Variants in FAAH2 observed in about 807,000 individuals in gnomAD.
FAAH2 encodes fatty acid amide hydrolase 2.
In FAAH2, 60 loss-of-function variants were observed where a neutral mutation model predicts 36.9. The ratio of observed to expected loss-of-function variants is 1.63; its 90% CI spans 1.32 to 2.02. The LOEUF (loss-of-function observed/expected upper bound fraction) is 2.02. Among genes scored for constraint, FAAH2 ranks in the 30% most tolerant of loss-of-function variants. The pLI, the probability that FAAH2 is intolerant of heterozygous loss-of-function variation, is 0.00. For missense variants in FAAH2, 689 were observed against 397.5 expected (o/e 1.73, Z -6.23); for synonymous variants, 214 against 143.8 (o/e 1.49, Z -3.49).
intron 1 of FAAH2, among the ~76,000 whole-genome samples, chrX:57,288,164 G>A (rs889619675): frequency 9.1e-6 from 1 of 109,988 alleles, no homozygotes; most frequent in African/African-American, 3.3e-5. Flanking sequence ...TGGACTGTCT[G>A]TTCATGGCTC....
Position 57,470,224 on chromosome X carries a change from G to T in FAAH2, c.1424-18533G>T, listed in dbSNP as rs771859169. On this transcript the variant is annotated intron_variant, in intron 10 of 10. Transcript: ENST00000374900. The stretch of plus-strand genomic sequence containing the variant: ...CAAGAGCGAACACATTCAAAAGCTA[G>T]CAGAAGGAGAGAAATAACTCAGATC... 2.7e-5 allele frequency among the ~76,000 whole-genome samples: 3 copies of T among 110,712 alleles called. No homozygotes were observed. In the East Asian group the frequency reaches 8.6e-4, roughly 32 times the overall value.
chrX:57,427,455 A>G (rs754464328), intron 7 of FAAH2, among the ~76,000 whole-genome samples: 5 of 111,617 alleles, frequency 4.5e-5, no homozygotes, highest in Non-Finnish European at 7.5e-5. Flanking sequence ...TAGAAGAGAA[A>G]AGAAATCTAC....
chrX:57,465,621 C>T (rs2057034876), intron 10 of FAAH2, among the ~76,000 whole-genome samples: 1 of 110,904 alleles, frequency 9.0e-6, no homozygotes, highest in Non-Finnish European at 1.9e-5. Context: ...AAAACCTTTG[C>T]AGATAAACTA....
chrX:57,314,766 C>T (rs1191202121), intron 3 of FAAH2, among the ~76,000 whole-genome samples: 1 of 111,047 alleles, frequency 9.0e-6, no homozygotes, highest in Admixed American at 9.7e-5. Context: ...TTACCAAAGT[C>T]ATTAAGGCGC....
intron 3 of FAAH2, among the ~76,000 whole-genome samples, chrX:57,318,889 C>A (rs1396045426): frequency 8.9e-6 from 1 of 111,812 alleles, no homozygotes; most frequent in Non-Finnish European, 1.9e-5. Context: ...TAAACATAAT[C>A]CATCACTTAA....
At chrX:57,447,174 T>C in intron 9 of FAAH2, 135 bp downstream of exon 9, 1 of 417,861 alleles carries the variant, frequency 2.4e-6, no homozygotes, top group South Asian at 5.1e-5. Context: ...CGCTCCAAAA[T>C]GATCTCCTTT....
intron 10 of FAAH2, among the ~76,000 whole-genome samples, chrX:57,481,679 C>T (rs1835692): frequency 0.53 from 58,700 of 110,583 alleles, 13,791 homozygotes; most frequent in Non-Finnish European, 0.73. Context: ...GTCCTTCGAC[C>T]CCTGTTGGGA....
Position 57,380,973 on chromosome X carries a change from G to A in FAAH2, c.940G>A (p.Gly314Arg). ...AAAATTTTACTGGATGGAACATGAT[G>A]GAGGCTCATTTTTAATGTCCAAAGT... Reference protein sequence around the residue: ...DLKFYWMEHDGGSFLMSKVDQ... With the variant: ...DLKFYWMEHDRGSFLMSKVDQ... The change falls in exon 7 of 11, where the codon GGA (glycine) becomes AGA (arginine). Residue 314 changes from glycine (G) to arginine (R), a missense_variant. By Grantham distance (125) the Gly-to-Arg change is moderately radical. Coordinates refer to ENST00000374900, the MANE Select transcript of FAAH2 (RefSeq NM_174912.4). The A allele has an allele frequency of 3.3e-6, 4 of 1,201,942 alleles. No individual in the cohort carries two copies. The highest frequency in any genetic ancestry group is 4.5e-6 in the Non-Finnish European group (4 of 891,017).
At chrX:57,195,509 CCT>C in the FAAH2 span, among the ~76,000 whole-genome samples, 1 of 111,575 alleles carries the variant, frequency 9.0e-6, no homozygotes. Flanking sequence ...AGGTATTAGT[CCT>C]TTTTCAGATG....
intron 3 of FAAH2, among the ~76,000 whole-genome samples, chrX:57,318,381 A>G (rs190219757): frequency 8.9e-5 from 10 of 112,317 alleles, no homozygotes; most frequent in Admixed American, 8.5e-4. Context: ...GAGAATACTT[A>G]TAAACACCTT....
At chrX:57,464,828 A>T (rs759994385) in intron 10 of FAAH2, among the ~76,000 whole-genome samples, 1 of 111,616 alleles carries the variant, frequency 9.0e-6, no homozygotes, top group East Asian at 2.8e-4. Context: ...CATGATGTAT[A>T]CCATTTAATA....
At chrX:57,470,277 C>T (rs1286567650) in intron 10 of FAAH2, among the ~76,000 whole-genome samples, 6 of 110,674 alleles carry the variant, frequency 5.4e-5, no homozygotes, top group Non-Finnish European at 1.1e-4. Context: ...GATAGAGACA[C>T]AAAAAACCCT....
intron 7 of FAAH2, among the ~76,000 whole-genome samples, chrX:57,414,512 T>C (rs2055787819): frequency 8.9e-6 from 1 of 112,062 alleles, no homozygotes; most frequent in African/African-American, 3.2e-5. Context: ...ATGTGATGGA[T>C]TACATGTATT....
chrX:57,201,804 AGATCCTGTAGGCATG>A, the FAAH2 span, among the ~76,000 whole-genome samples: 13 of 111,426 alleles, frequency 1.2e-4, no homozygotes, highest in Admixed American at 6.7e-4. Context: ...GCTATTTTCA[AGATCCTGTAGGCATG>A]CTTCATTGTT....
intron 8 of FAAH2, among the ~76,000 whole-genome samples, chrX:57,435,600 A>T (rs1426055124): frequency 9.0e-6 from 1 of 110,557 alleles, no homozygotes; most frequent in Non-Finnish European, 1.9e-5. Flanking sequence ...AAGACAAATA[A>T]GGTCATTGTA....
the FAAH2 span, among the ~76,000 whole-genome samples, chrX:57,238,743 C>T: frequency 1.8e-5 from 2 of 111,719 alleles, no homozygotes; most frequent in African/African-American, 6.5e-5. Context: ...AATTGTTCAC[C>T]CAACTATTGA....
intron 3 of FAAH2, among the ~76,000 whole-genome samples, chrX:57,321,811 G>A (rs908977869): frequency 2.7e-5 from 3 of 111,113 alleles, no homozygotes; most frequent in African/African-American, 9.8e-5. Context: ...TGGTTATTAT[G>A]CAGATTTGTT....
chrX:57,483,312 T>G (rs2057414158), intron 10 of FAAH2, among the ~76,000 whole-genome samples: 1 of 111,743 alleles, frequency 8.9e-6, no homozygotes, highest in Non-Finnish European at 1.9e-5. Context: ...ATTATTAAAG[T>G]GTTCAACTTT....
chrX:57,171,367 T>C, the FAAH2 span, among the ~76,000 whole-genome samples: 1 of 112,243 alleles, frequency 8.9e-6, no homozygotes, highest in African/African-American at 3.2e-5. Context: ...CTAATTTACA[T>C]TCCCACTAGC....
Sources: gnomAD v4.1 joint callset for allele counts (sites outside exome capture counted in the v4.1 genomes callset) on GRCh38, gnomAD v4.1.1 for gene constraint, MANE v1.5 for transcripts, NCBI Gene and HGNC (gene_info 2026-07-23, HGNC 2026-07-21) for gene names.